The following ZNF331 variants were observed in gnomAD, a reference collection of about 807,000 sequenced individuals.
ZNF331 encodes the protein zinc finger protein 331, also known as C2H2-like zinc finger protein rearranged in thyroid adenomas.
Under a neutral mutation model 7.0 loss-of-function variants are expected in ZNF331, and 2 were observed. That is an observed-to-expected ratio of 0.29 (90% CI 0.12 to 0.90). ZNF331 has a LOEUF of 0.90. Ranked by LOEUF, ZNF331 falls within the 40% of genes least tolerant of loss-of-function variation. The pLI, the probability that ZNF331 is intolerant of heterozygous loss-of-function variation, is 0.58. For synonymous variants in ZNF331, 196 were observed against 205.4 expected (o/e 0.95, Z 0.39); for missense variants, 432 against 587.7 (o/e 0.74, Z 2.74).
chr19:53,579,017 C>T lies in ZNF331; in HGVS notation c.*1065C>T, dbSNP rs2090835851. On this transcript the variant is annotated 3_prime_UTR_variant, in exon 6 of 6. Coordinates refer to ENST00000449416, the MANE Select transcript of ZNF331 (RefSeq NM_001079906.2). ...TTTTCACCATGTTGTCCAGGCTGGT[C>T]TCAACTCCTGACCTCAGGTGATCCA... 1 of 182,688 alleles carries T rather than the reference C, an allele frequency of 5.5e-6. No individual in the cohort carries two copies. The highest frequency in any genetic ancestry group is 6.3e-5 in the Admixed American group (1 of 15,960). The allele number at this position is 182,688 out of a possible 1,614,324, so 11.3% of individuals were successfully genotyped here. A position where few individuals can be genotyped will look rare whatever the true frequency, so the allele number is the denominator to read the frequency against.
chr19:53,559,667 A>G (rs1568513603), intron 3 of ZNF331, among the ~76,000 whole-genome samples: 1 of 151,076 alleles, frequency 6.6e-6, no homozygotes, highest in Non-Finnish European at 1.5e-5. Flanking sequence ...ATATATACAC[A>G]CATATAAAAA....
intron 3 of ZNF331, among the ~76,000 whole-genome samples, chr19:53,568,055 C>A (rs1002942614): frequency 2.6e-5 from 4 of 152,016 alleles, no homozygotes; most frequent in African/African-American, 9.7e-5. Context: ...TTGAGACCAG[C>A]CTGGCCAACA....
chr19:53,575,973 T>C lies in ZNF331; in HGVS notation c.137-724T>C, dbSNP rs185651702. ...CTGGGATTACAAGCGTGAGCCACCG[T>C]GCCCAGTCTGTTTTTTTGTTTTTGT... On this transcript the variant is annotated intron_variant, in intron 5 of 5. Coordinates refer to ENST00000449416, the MANE Select transcript of ZNF331 (RefSeq NM_001079906.2). 1.1e-4 allele frequency among the ~76,000 whole-genome samples: 17 copies of C among 148,206 alleles called. No individual in the cohort carries two copies. The East Asian group carries it at 2.9e-3, about 25-fold the overall frequency.
chr19:53,559,130 C>T (rs2089641978), intron 3 of ZNF331, among the ~76,000 whole-genome samples: 1 of 142,920 alleles, frequency 7.0e-6, no homozygotes, highest in Non-Finnish European at 1.6e-5. Flanking sequence ...CATACACACA[C>T]ACCCCATGTA....
At chr19:53,544,353 G>A (rs1457840375) in intron 2 of ZNF331, among the ~76,000 whole-genome samples, 1 of 151,118 alleles carries the variant, frequency 6.6e-6, no homozygotes, top group Non-Finnish European at 1.5e-5. Context: ...AGACCATCCT[G>A]GCTAACACGG....
At chr19:53,508,559 C>T in the ZNF331 span, among the ~76,000 whole-genome samples, 11 of 152,096 alleles carry the variant, frequency 7.2e-5, no homozygotes, top group African/African-American at 2.2e-4. Context: ...CTCTTCTTGA[C>T]GTGATCTCTT....
rs912677640 is a variant in ZNF331 at position 53,564,074 on chromosome 19, C to T, written c.-73-5230C>T. ...AAAAAAAGAGCACAGAGCCTGCATTCTTTTTTTTTTTTTTTTTTTTTGAGA... is the reference window on the plus strand; with the variant it reads ...AAAAAAAGAGCACAGAGCCTGCATTTTTTTTTTTTTTTTTTTTTTTTGAGA... On this transcript the variant is annotated intron_variant, in intron 3 of 5. Transcript: ENST00000449416. Among the ~76,000 whole-genome samples the T allele has an allele frequency of 5.9e-4, 56 of 94,670 alleles. 1 individual carries two copies. The highest frequency in any genetic ancestry group is 1.8e-3 in the African/African-American group (41 of 23,324). The allele number at this position is 94,670 out of a possible 152,430, so 62.1% of individuals were successfully genotyped here.
At chr19:53,506,334 CAAAAAAA>C in the ZNF331 span, among the ~76,000 whole-genome samples, 1 of 39,552 alleles carries the variant, frequency 2.5e-5, no homozygotes, top group East Asian at 6.6e-4. Context: ...GACTCCGTCT[CAAAAAAA>C]AAAAAAAAAA....
the ZNF331 span, among the ~76,000 whole-genome samples, chr19:53,507,076 C>T: frequency 0.011 from 1,686 of 152,168 alleles, 35 homozygotes; most frequent in African/African-American, 0.038. Context: ...TTCTGTTTTC[C>T]GGGGCAGGCT....
At chr19:53,568,764 A>T (rs1322669478) in intron 3 of ZNF331, among the ~76,000 whole-genome samples, 1 of 151,892 alleles carries the variant, frequency 6.6e-6, no homozygotes, top group African/African-American at 2.4e-5. Context: ...GCAAAAAAAA[A>T]AAAAAGTAAA....
chr19:53,571,776 C>T lies in ZNF331; in HGVS notation c.136+46C>T, dbSNP rs367707948. On this transcript the variant is annotated intron_variant, in intron 5 of 5. Transcript: ENST00000449416. The surrounding 1 kb of genome is among the most constrained non-coding windows in gnomAD (Gnocchi z 4.7). Reference sequence around the variant, plus strand: ...AACTTAGACTGCCTCCTGGAATATCCGCTCTCCCCTGTGAATTTCAGGACC... The same window carrying T: ...AACTTAGACTGCCTCCTGGAATATCTGCTCTCCCCTGTGAATTTCAGGACC... 50 of 1,550,722 alleles carry T rather than the reference C, an allele frequency of 3.2e-5. No homozygotes were observed. Among genetic ancestry groups the T allele is most frequent in the Non-Finnish European group, 3.6e-5 (41 of 1,150,064 alleles).
intron 2 of ZNF331, among the ~76,000 whole-genome samples, chr19:53,526,114 C>T (rs2087283409): frequency 6.6e-6 from 1 of 152,180 alleles, no homozygotes; most frequent in African/African-American, 2.4e-5. Flanking sequence ...CCTTGCATTC[C>T]TGGGATAAAT....
chr19:53,536,775 T>C (rs746863604), upstream of ZNF331, among the ~76,000 whole-genome samples: 3 of 152,274 alleles, frequency 2.0e-5, no homozygotes, highest in Middle Eastern at 3.4e-3. Context: ...TGGTAGCGCA[T>C]GCCTGTCATC....
At chr19:53,566,223 AT>A (rs1322297279) in intron 3 of ZNF331, among the ~76,000 whole-genome samples, 1 of 152,078 alleles carries the variant, frequency 6.6e-6, no homozygotes, top group Non-Finnish European at 1.5e-5. Flanking sequence ...CCAGCATCAC[AT>A]TGTGACAACA....
intron 2 of ZNF331, among the ~76,000 whole-genome samples, chr19:53,523,770 A>ATT (rs56928806): frequency 7.4e-5 from 11 of 149,132 alleles, no homozygotes; most frequent in African/African-American, 1.2e-4. Context: ...TAGGGATACT[A>ATT]TTTTTTTTTT....
the ZNF331 span, among the ~76,000 whole-genome samples, chr19:53,511,277 G>T: frequency 0.12 from 18,801 of 151,902 alleles, 1,226 homozygotes; most frequent in East Asian, 0.19. Flanking sequence ...AAAGACAAAA[G>T]AATACCCAAT....
chr19:53,534,228 G>T (rs773899307), upstream of ZNF331, among the ~76,000 whole-genome samples: 2 of 152,100 alleles, frequency 1.3e-5, no homozygotes, highest in African/African-American at 2.4e-5. Flanking sequence ...GCTCTAGGAG[G>T]CATTCTCTTT....
chr19:53,503,676 T>C, the ZNF331 span: 1 of 706,372 alleles, frequency 1.4e-6, no homozygotes. Context: ...GGAGTGTCCA[T>C]TGGCAGCACC....
chr19:53,553,814 T>G (rs1380613331), intron 2 of ZNF331, among the ~76,000 whole-genome samples: 3 of 152,162 alleles, frequency 2.0e-5, no homozygotes, highest in Admixed American at 6.5e-5. Flanking sequence ...ACCCTTCTGA[T>G]GACAGCCATG....
Sources: gnomAD v4.1 joint callset for allele counts (sites outside exome capture counted in the v4.1 genomes callset) on GRCh38, gnomAD v4.1.1 for gene constraint, Gnocchi (gnomAD v3.1) non-coding constraint, MANE v1.5 for transcripts, NCBI Gene and HGNC (gene_info 2026-07-23, HGNC 2026-07-21) for gene names.